IFIT3: variants seen among roughly 807,000 people sequenced by gnomAD.
IFIT3 encodes interferon-induced protein with tetratricopeptide repeats 3.
A neutral mutation model predicts 2.4 loss-of-function variants in IFIT3; 2 were observed. That is an observed-to-expected ratio of 0.82 (90% confidence interval 0.34 to 2.60). The LOEUF is 2.60. Among genes scored for constraint, IFIT3 ranks in the 30% most tolerant of loss-of-function variants. The pLI is 0.11. For missense variants in IFIT3, 481 were observed against 562.4 expected (o/e 0.86, Z 1.46); for synonymous variants, 203 against 212.1 (o/e 0.96, Z 0.37).
At chr10:89,329,853 G>A (rs1843633099) in intron 1 of IFIT3, among the ~76,000 whole-genome samples, 2 of 152,148 alleles carry the variant, frequency 1.3e-5, no homozygotes, top group African/African-American at 4.8e-5. Flanking sequence ...CAGGTGGGCT[G>A]AGTCCGAAAA....
intron 1 of IFIT3, among the ~76,000 whole-genome samples, chr10:89,329,668 T>C (rs1049439139): frequency 3.3e-5 from 5 of 152,188 alleles, no homozygotes; most frequent in Non-Finnish European, 7.4e-5. Flanking sequence ...ACTCTGTTGC[T>C]CCCTTTACAC....
In IFIT3 at chr10:89,340,588, T is replaced by A. The variant is rs548632865; in HGVS notation, c.*460T>A. On this transcript the variant is annotated 3_prime_UTR_variant, in exon 2 of 2. Coordinates refer to ENST00000371818, the MANE Select transcript of IFIT3 (RefSeq NM_001549.6). Reference sequence around the variant, plus strand: ...AAAAAAAAAAAAAAAAAAAGAGTTGTTTTCTCATGTTCATTATAGTTCATT... The same window carrying A: ...AAAAAAAAAAAAAAAAAAAGAGTTGATTTCTCATGTTCATTATAGTTCATT... 6.5e-6 allele frequency: 1 copy of A among 152,692 alleles called. No individual in the cohort carries two copies. The highest frequency in any genetic ancestry group is 6.5e-5 in the Admixed American group (1 of 15,390). The allele number at this position is 152,692 out of a possible 1,614,324, so 9.5% of individuals were successfully genotyped here. A position where few individuals can be genotyped will look rare whatever the true frequency, so the allele number is the denominator to read the frequency against.
chr10:89,330,080 G>A (rs1045774949), intron 1 of IFIT3, among the ~76,000 whole-genome samples: 1 of 152,170 alleles, frequency 6.6e-6, no homozygotes, highest in African/African-American at 2.4e-5. Flanking sequence ...CACTTCTTTT[G>A]TGGTGGAATG....
chr10:89,339,028 A>G lies in IFIT3; in HGVS notation c.373A>G (p.Lys125Glu). The G allele has an allele frequency of 6.2e-7, 1 of 1,614,194 alleles. No homozygotes were observed. The highest frequency in any genetic ancestry group is 8.5e-7 in the Non-Finnish European group (1 of 1,180,024). ...TGTAGATAAGGTGAAACAAACCTGC[A>G]AGAAATTTTCAAATCCATACAGTAT... ...IYVDKVKQTC[K>E]KFSNPYSIEY... Residue 125 changes from lysine to glutamate, a missense_variant, in exon 2 of 2, where the codon AAG becomes GAG. Physicochemically the swap from Lys to Glu is moderately conservative, Grantham distance 56. Coordinates refer to ENST00000371818, the MANE Select transcript of IFIT3 (RefSeq NM_001549.6).
At chr10:89,336,042 G>C (rs1392031089) in intron 1 of IFIT3, among the ~76,000 whole-genome samples, 1 of 151,952 alleles carries the variant, frequency 6.6e-6, no homozygotes, top group Non-Finnish European at 1.5e-5. Flanking sequence ...TTGGTATGTC[G>C]AGGCAGAAGG....
At chr10:89,331,391 T>G (rs1303380837) in intron 1 of IFIT3, among the ~76,000 whole-genome samples, 1 of 152,170 alleles carries the variant, frequency 6.6e-6, no homozygotes, top group Non-Finnish European at 1.5e-5. Context: ...CAGGTTGGTC[T>G]TGAACTCCTG....
Position 89,338,664 on chromosome 10 carries a change from G to C in IFIT3, c.9G>C (p.Glu3Asp). MS[E>D]VTKNSLEKIL... ...ACCATGTTTATTTTCTCCACAGTGA[G>C]GTCACCAAGAATTCCCTGGAGAAAA... is the stretch of plus-strand genomic sequence containing the variant. Residue 3 changes from glutamate (E) to aspartate (D), a missense_variant, in exon 2 of 2, where the codon GAG (glutamate) becomes GAC (aspartate). Physicochemically the swap from Glu to Asp is conservative, Grantham distance 45 (BLOSUM62 2). Coordinates refer to ENST00000371818, the MANE Select transcript of IFIT3 (RefSeq NM_001549.6). The C allele has an allele frequency of 6.2e-7, 1 of 1,610,162 alleles. No homozygotes were observed. The highest frequency in any genetic ancestry group is 8.5e-7 in the Non-Finnish European group (1 of 1,177,556).
chr10:89,338,107 A>G (rs1289217204), intron 1 of IFIT3: 1 of 152,520 alleles, frequency 6.6e-6, no homozygotes, highest in African/African-American at 2.4e-5. Flanking sequence ...AATGTTTTCA[A>G]TTTATGATGG....
intron 1 of IFIT3, among the ~76,000 whole-genome samples, chr10:89,333,927 C>T (rs1843689692): frequency 1.3e-5 from 2 of 152,218 alleles, no homozygotes; most frequent in South Asian, 4.1e-4. Context: ...AGAAGTCCGG[C>T]TCTGGAGAGT....
Position 89,339,317 on chromosome 10 carries a change from A to ATAAAGAAGCTGAAGGAGAGCAGTTTGT in IFIT3, c.664_690dup (p.Lys222_Val230dup), listed in dbSNP as rs1180853998. 3 of 1,613,722 alleles carry ATAAAGAAGCTGAAGGAGAGCAGTTTGT rather than the reference A, an allele frequency of 1.9e-6. No homozygotes were observed. Among genetic ancestry groups the ATAAAGAAGCTGAAGGAGAGCAGTTTGT allele is most frequent in the Non-Finnish European group, 2.5e-6 (3 of 1,179,926 alleles). ...TTGGGCCTGAAACTGCAGAAGATGA[A>ATAAAGAAGCTGAAGGAGAGCAGTTTGT]TAAAGAAGCTGAAGGAGAGCAGTTT... On this transcript the variant is annotated inframe_insertion, in exon 2 of 2. Transcript: ENST00000371818.
At chr10:89,335,940 C>T (rs1168016843) in intron 1 of IFIT3, among the ~76,000 whole-genome samples, 2 of 152,098 alleles carry the variant, frequency 1.3e-5, no homozygotes, top group African/African-American at 4.8e-5. Context: ...GACTTGTAGT[C>T]CTTCATACAG....
chr10:89,340,166 G>T lies in IFIT3; in HGVS notation c.*38G>T. ...AAACAGAGCATCAGAAGCCTGCAGT[G>T]GTGGTTGTGACGGGTAGGACGATAG... On this transcript the variant is annotated 3_prime_UTR_variant, in exon 2 of 2. Transcript: ENST00000371818. 1 of 1,535,830 alleles carries T rather than the reference G, an allele frequency of 6.5e-7. No homozygotes were observed.
chr10:89,333,122 T>G (rs974815943), intron 1 of IFIT3, among the ~76,000 whole-genome samples: 1 of 152,206 alleles, frequency 6.6e-6, no homozygotes, highest in Non-Finnish European at 1.5e-5. Context: ...TGAAATGCAC[T>G]TTTTCATAAT....
chr10:89,339,286 G>A lies in IFIT3; in HGVS notation c.631G>A (p.Val211Ile), dbSNP rs755860041. The change falls in exon 2 of 2, where the codon GTT becomes ATT. Residue 211 changes from valine (V) to isoleucine (I), a missense_variant. Coordinates refer to ENST00000371818, the MANE Select transcript of IFIT3 (RefSeq NM_001549.6). ...ELSPDNQYVK[V>I]LLGLKLQKMN... is the part of the protein sequence containing the mutation. ...GAGTCCTGATAACCAATACGTCAAGGTTCTCTTGGGCCTGAAACTGCAGAA... is the reference window on the plus strand; with the variant it reads ...GAGTCCTGATAACCAATACGTCAAGATTCTCTTGGGCCTGAAACTGCAGAA... The A allele has an allele frequency of 4.3e-6, 7 of 1,614,020 alleles. No individual in the cohort carries two copies. In the African/African-American group the frequency reaches 9.3e-5, roughly 22 times the overall value.
chr10:89,336,885 T>G (rs1843750213), intron 1 of IFIT3, among the ~76,000 whole-genome samples: 1 of 151,870 alleles, frequency 6.6e-6, no homozygotes, highest in Admixed American at 6.6e-5. Flanking sequence ...AACTCAAGAG[T>G]GAGGGACATA....
rs754137044 is a variant in IFIT3, at chr10:89,339,509, ACAAGGCAAAAG to A, written c.855_865del (p.Ala287ThrfsTer9). The A allele has an allele frequency of 6.2e-6, 10 of 1,614,166 alleles. No homozygotes were observed. The highest frequency in any genetic ancestry group is 8.5e-6 in the Non-Finnish European group (10 of 1,180,010). ...CTCTATCACCAGATTGGGTGCTGCT[ACAAGGCAAAAG>A]TAAGACAAATGCAGAATACAGGAGA... On this transcript the variant is annotated frameshift_variant, in exon 2 of 2. Coordinates refer to ENST00000371818, the MANE Select transcript of IFIT3 (RefSeq NM_001549.6). LOFTEE classifies it low-confidence loss of function (END_TRUNC).
chr10:89,339,079 G>A lies in IFIT3; in HGVS notation c.424G>A (p.Glu142Lys). ...SIEYSELDCE[E>K]GWTQLKCGRN... The stretch of plus-strand genomic sequence containing the variant: ...TGAGTATTCTGAACTTGACTGTGAG[G>A]AAGGGTGGACACAACTGAAGTGTGG... The change falls in exon 2 of 2, where the codon GAA (glutamate) becomes AAA (lysine). Residue 142 changes from glutamate to lysine, a missense_variant. Glu to Lys is a moderately conservative substitution (Grantham distance 56). Coordinates refer to ENST00000371818, the MANE Select transcript of IFIT3 (RefSeq NM_001549.6). 2 of 1,614,100 alleles carry A rather than the reference G, an allele frequency of 1.2e-6. No homozygotes were observed. Among genetic ancestry groups the A allele is most frequent in the Non-Finnish European group, 1.7e-6 (2 of 1,180,024 alleles).
At chr10:89,332,713 A>G in intron 1 of IFIT3, 1 of 1,308,976 alleles carries the variant, frequency 7.6e-7, no homozygotes, top group Non-Finnish European at 1.1e-6. Flanking sequence ...TTGCTTAGAG[A>G]TGAAATATGC....
chr10:89,331,858 C>CAA (rs10540155), intron 1 of IFIT3, among the ~76,000 whole-genome samples: 47 of 80,168 alleles, frequency 5.9e-4, no homozygotes, highest in East Asian at 7.5e-4. Context: ...GATCCTGTCT[C>CAA]AAAAAAAAAA....
Sources: allele counts gnomAD v4.1 joint callset (sites outside exome capture counted in the v4.1 genomes callset), GRCh38; gene constraint gnomAD v4.1.1; transcripts MANE v1.5; gene names NCBI Gene and HGNC (gene_info 2026-07-23, HGNC 2026-07-21).